The following DENND5B variants were observed in gnomAD, a reference collection of about 807,000 sequenced individuals.
DENND5B encodes DENN domain-containing protein 5B.
A neutral mutation model predicts 140.6 loss-of-function variants in DENND5B; 34 were observed. That is an observed-to-expected ratio of 0.24 (90% CI 0.18 to 0.32). DENND5B has a LOEUF of 0.32. DENND5B is among the 10% of genes least tolerant of loss of function. The pLI is 1.00. For missense variants in DENND5B, 1,142 were observed against 1,560.2 expected (o/e 0.73, Z 4.52); for synonymous variants, 551 against 562.1 (o/e 0.98, Z 0.28).
rs141328736 is a variant in DENND5B, at chr12:31,421,812, A to G, written c.2470+1785T>C. 2.0e-3 allele frequency among the ~76,000 whole-genome samples: 311 copies of G among 152,254 alleles called. 2 individuals carry two copies. Among genetic ancestry groups the G allele is most frequent in the African/African-American group, 7.0e-3 (289 of 41,552 alleles). ...GGTGATCCGCCTGCCTTGCCCTCCC[A>G]AAGTGTTGGGATTACAGGCGTTGAG... On this transcript the variant is annotated intron_variant, in intron 11 of 20. Transcript: ENST00000389082.
At chr12:31,463,714 C>T (rs1424944708) in intron 3 of DENND5B, among the ~76,000 whole-genome samples, 4 of 151,986 alleles carry the variant, frequency 2.6e-5, no homozygotes, top group Admixed American at 6.6e-5. Context: ...CAGGCTGGAG[C>T]GCAATGGCTC....
At chr12:31,565,904 G>A (rs928912036) in intron 1 of DENND5B, among the ~76,000 whole-genome samples, 4 of 152,168 alleles carry the variant, frequency 2.6e-5, no homozygotes, top group South Asian at 2.1e-4. Flanking sequence ...CACTTTGGGA[G>A]GCTAGGGCAG....
intron 20 of DENND5B, among the ~76,000 whole-genome samples, chr12:31,388,104 A>T (rs951010040): frequency 4.1e-5 from 6 of 145,184 alleles, no homozygotes; most frequent in Non-Finnish European, 9.0e-5. Flanking sequence ...TACCACCTTT[A>T]GAAAGAGGCA....
intron 1 of DENND5B, among the ~76,000 whole-genome samples, chr12:31,571,967 G>A (rs1267938035): frequency 6.6e-6 from 1 of 152,176 alleles, no homozygotes; most frequent in Non-Finnish European, 1.5e-5. Flanking sequence ...GCTCATGCCT[G>A]TAATCTCAGC....
intron 1 of DENND5B, among the ~76,000 whole-genome samples, chr12:31,525,885 C>A (rs1948068558): frequency 1.3e-5 from 2 of 152,020 alleles, no homozygotes; most frequent in African/African-American, 4.8e-5. Flanking sequence ...CCCAGCTACT[C>A]CAGAGGCTGA....
chr12:31,466,873 T>C (rs1250471214), intron 3 of DENND5B, among the ~76,000 whole-genome samples: 1 of 152,138 alleles, frequency 6.6e-6, no homozygotes, highest in Non-Finnish European at 1.5e-5. Context: ...TAAAGCCTCA[T>C]TCAGATAAAT....
intron 7 of DENND5B, among the ~76,000 whole-genome samples, chr12:31,434,803 T>C (rs532351347): frequency 4.7e-4 from 71 of 152,226 alleles, no homozygotes; most frequent in South Asian, 1.7e-3. Flanking sequence ...CACTCAGCTT[T>C]AGACGCAACC....
intron 8 of DENND5B, 86 bp downstream of exon 8, chr12:31,433,069 G>A: frequency 9.0e-7 from 1 of 1,114,772 alleles, no homozygotes. Context: ...AGAACATTAA[G>A]AATCTACACA....
intron 3 of DENND5B, chr12:31,465,013 T>C (rs1271222345): frequency 6.6e-6 from 1 of 152,208 alleles, no homozygotes; most frequent in African/African-American, 2.4e-5. Context: ...AAATTATGCT[T>C]GACTATATTA....
At chr12:31,514,289 T>C (rs567800411) in intron 1 of DENND5B, among the ~76,000 whole-genome samples, 1 of 152,344 alleles carries the variant, frequency 6.6e-6, no homozygotes, top group East Asian at 1.9e-4. Flanking sequence ...TAGTAGGCTA[T>C]GCTACCTAGT....
Position 31,384,673 on chromosome 12 carries a change from A to G in DENND5B, c.*2930T>C, listed in dbSNP as rs1427582564. ...ATAGTAATATTACACAAAGGCATGA[A>G]GATGAAACTTCAGGTGTAACTTTTT... On this transcript the variant is annotated 3_prime_UTR_variant, in exon 21 of 21. Coordinates refer to ENST00000389082, the MANE Select transcript of DENND5B (RefSeq NM_144973.4). The G allele has an allele frequency of 6.6e-6, 1 of 152,230 alleles. No individual in the cohort carries two copies. The highest frequency in any genetic ancestry group is 1.5e-5 in the Non-Finnish European group (1 of 68,044). 9.4% of individuals were successfully genotyped at this position (152,230 alleles called of 1,614,324 possible).
chr12:31,551,256 G>A (rs574737884), intron 1 of DENND5B, among the ~76,000 whole-genome samples: 1 of 152,278 alleles, frequency 6.6e-6, no homozygotes, highest in South Asian at 2.1e-4. Context: ...GTAAGGAAGG[G>A]ATCCAGTTTC....
intron 1 of DENND5B, among the ~76,000 whole-genome samples, chr12:31,589,612 G>A (rs1366014258): frequency 6.6e-6 from 1 of 151,788 alleles, no homozygotes; most frequent in African/African-American, 2.4e-5. Flanking sequence ...CCCACCAAAG[G>A]AAAAGCGAAA....
intron 17 of DENND5B, among the ~76,000 whole-genome samples, chr12:31,395,324 T>C (rs1218871463): frequency 6.6e-6 from 1 of 152,240 alleles, no homozygotes; most frequent in Non-Finnish European, 1.5e-5. Context: ...TTGGGCACAG[T>C]GGCTCACGCC....
At position 31,452,834 on chromosome 12, in the gene DENND5B, T is replaced by G. The variant is rs1944598507; in HGVS notation, c.1093-358A>C. 3.3e-5 allele frequency among the ~76,000 whole-genome samples: 5 copies of G among 152,328 alleles called. No individual in the cohort carries two copies. In the South Asian group the frequency reaches 1.0e-3, roughly 32 times the overall value. On this transcript the variant is annotated intron_variant, in intron 4 of 20. Coordinates refer to ENST00000389082, the MANE Select transcript of DENND5B (RefSeq NM_144973.4). ...CATACTTAATATATATGAATAATTT[T>G]CTCTGGGTCTCAGCAATATATTATA...
At chr12:31,507,182 C>T (rs942633161) in intron 1 of DENND5B, among the ~76,000 whole-genome samples, 15 of 145,312 alleles carry the variant, frequency 1.0e-4, no homozygotes, top group African/African-American at 3.8e-4. Context: ...AGACAAATTC[C>T]TTTTTTTTTT....
chr12:31,456,042 A>G (rs1464022958), intron 4 of DENND5B, among the ~76,000 whole-genome samples: 4 of 149,150 alleles, frequency 2.7e-5, no homozygotes, highest in African/African-American at 9.9e-5. Flanking sequence ...CAACAACAAC[A>G]AAAGTGGCCG....
intron 20 of DENND5B, among the ~76,000 whole-genome samples, chr12:31,388,757 T>C (rs1940975533): frequency 6.6e-6 from 1 of 152,180 alleles, no homozygotes; most frequent in Admixed American, 6.5e-5. Context: ...GGGTAGGAAA[T>C]AGTCTTAAAG....
At chr12:31,523,852 G>A (rs2139024977) in intron 1 of DENND5B, among the ~76,000 whole-genome samples, 1 of 152,330 alleles carries the variant, frequency 6.6e-6, no homozygotes, top group African/African-American at 2.4e-5. Flanking sequence ...AGACTGCTGT[G>A]ATGGGACTCT....
Sources: allele counts gnomAD v4.1 joint callset (sites outside exome capture counted in the v4.1 genomes callset), GRCh38; gene constraint gnomAD v4.1.1; transcripts MANE v1.5; gene names NCBI Gene and HGNC (gene_info 2026-07-23, HGNC 2026-07-21).